Variants in WWC2 observed in about 807,000 individuals in gnomAD.
WWC2 encodes WW and C2 domain containing 2, also known as protein WWC2.
A neutral mutation model predicts 138.5 loss-of-function variants in WWC2; 101 were observed. The ratio of observed to expected loss-of-function variants is 0.73; its 90% confidence interval spans 0.62 to 0.86. The LOEUF is 0.86. Among genes scored for constraint, WWC2 ranks in the 40% least tolerant of loss-of-function variants. The pLI, the probability that WWC2 is intolerant of heterozygous loss-of-function variation, is 0.00. For missense variants in WWC2, 1,420 were observed against 1,419.4 expected, an observed-to-expected ratio of 1.00 and a Z score of -0.01; for synonymous variants, 558 against 538.4, an observed-to-expected ratio of 1.04 and a Z score of -0.50.
At chr4:183,217,940 C>G (rs1735803478) in intron 4 of WWC2, among the ~76,000 whole-genome samples, 1 of 151,716 alleles carries the variant, frequency 6.6e-6, no homozygotes, top group African/African-American at 2.4e-5. Flanking sequence ...AAAGATCATA[C>G]CAAAGCACAT....
In WWC2 at chr4:183,320,657, T is replaced by G. The variant is rs1739617541; in HGVS notation, c.*4928T>G. 5.2e-6 allele frequency: 1 copy of G among 192,252 alleles called. No homozygotes were observed. Among genetic ancestry groups the G allele is most frequent in the South Asian group, 1.3e-4 (1 of 7,986 alleles). The allele number at this position is 192,252 out of a possible 1,614,324, so 11.9% of individuals were successfully genotyped here. A position where few individuals can be genotyped will look rare whatever the true frequency, so the allele number is the denominator to read the frequency against. ...TGTTTCACTAACTGCACCTGTCAGA[T>G]TTTCATCTCTTATAGTTCTCACATT... On this transcript the variant is annotated 3_prime_UTR_variant, in exon 23 of 23. Transcript: ENST00000403733.
chr4:183,274,334 C>G (rs373535868), intron 16 of WWC2, among the ~76,000 whole-genome samples: 3 of 152,170 alleles, frequency 2.0e-5, no homozygotes, highest in East Asian at 1.9e-4. Context: ...CATAACAGTT[C>G]TAAGTCTTCT....
intron 16 of WWC2, 103 bp from the exon 17 acceptor site, chr4:183,280,673 T>G (rs1738039858): frequency 1.6e-6 from 2 of 1,246,562 alleles, no homozygotes; most frequent in Non-Finnish European, 2.2e-6. Context: ...GCAGGAGAGT[T>G]GAGTCGTCTT....
At chr4:183,154,306 G>A (rs1579993232) in intron 1 of WWC2, among the ~76,000 whole-genome samples, 1 of 152,278 alleles carries the variant, frequency 6.6e-6, no homozygotes, top group East Asian at 1.9e-4. Flanking sequence ...TACAGTAGGG[G>A]TTATAGAAGG....
rs1732781553 is a variant in WWC2 at position 183,127,033 on chromosome 4, A to C, written c.131+27411A>C. Among the ~76,000 whole-genome samples the C allele has an allele frequency of 1.3e-5, 2 of 151,950 alleles. 1 individual carries two copies. Among genetic ancestry groups the C allele is most frequent in the South Asian group, 4.2e-4 (2 of 4,806 alleles). On this transcript the variant is annotated intron_variant, in intron 1 of 22. Coordinates refer to ENST00000403733, the MANE Select transcript of WWC2 (RefSeq NM_024949.6). ...ATTATAGGCATAAGCCACCATGCCT[A>C]GCCAGGAAAGAGACCTTTTGATGAA... is the stretch of plus-strand genomic sequence containing the variant.
intron 4 of WWC2, among the ~76,000 whole-genome samples, chr4:183,236,252 G>A (rs1580090207): frequency 6.6e-6 from 1 of 152,096 alleles, no homozygotes; most frequent in Non-Finnish European, 1.5e-5. Flanking sequence ...TACCTCTGTT[G>A]TATAATTTTG....
At chr4:183,276,542 G>T (rs1737861403) in intron 16 of WWC2, among the ~76,000 whole-genome samples, 1 of 151,924 alleles carries the variant, frequency 6.6e-6, no homozygotes, top group Admixed American at 6.6e-5. Flanking sequence ...CCCAGACAAT[G>T]CAAAGATTTT....
At chr4:183,100,952 A>T (rs1260406340) in intron 1 of WWC2, among the ~76,000 whole-genome samples, 1 of 152,212 alleles carries the variant, frequency 6.6e-6, no homozygotes, top group Non-Finnish European at 1.5e-5. Flanking sequence ...CAGACGTGCT[A>T]GTTGTTGTCA....
chr4:183,123,384 G>A (rs1283094253), intron 1 of WWC2, among the ~76,000 whole-genome samples: 1 of 147,438 alleles, frequency 6.8e-6, no homozygotes, highest in African/African-American at 2.5e-5. Context: ...AGTGTTTAGA[G>A]AAACACAGCA....
chr4:183,275,889 C>G (rs561398901), intron 16 of WWC2, among the ~76,000 whole-genome samples: 3 of 152,048 alleles, frequency 2.0e-5, no homozygotes, highest in African/African-American at 7.2e-5. Context: ...GCCATCCAGT[C>G]CTGTACTTTT....
intron 18 of WWC2, among the ~76,000 whole-genome samples, 161 bp from the exon 19 acceptor site, chr4:183,284,065 A>G (rs1020284359): frequency 9.8e-5 from 15 of 152,354 alleles, no homozygotes; most frequent in Non-Finnish European, 1.6e-4. Flanking sequence ...GAAGTACTTC[A>G]GAAGTACTAT....
intron 6 of WWC2, among the ~76,000 whole-genome samples, chr4:183,246,698 G>A (rs1391953632): frequency 6.6e-6 from 1 of 152,168 alleles, no homozygotes; most frequent in Non-Finnish European, 1.5e-5. Context: ...GTTTCTTAAA[G>A]TCATACAGCT....
chr4:183,133,773 G>A (rs926012991), intron 1 of WWC2, among the ~76,000 whole-genome samples: 3 of 152,202 alleles, frequency 2.0e-5, no homozygotes, highest in Non-Finnish European at 4.4e-5. Flanking sequence ...GGGATTACAG[G>A]CGTGAGCCAC....
intron 2 of WWC2, chr4:183,203,409 C>G (rs973380647): frequency 6.6e-6 from 1 of 151,884 alleles, no homozygotes; most frequent in Non-Finnish European, 1.5e-5. Context: ...TCCTCCTGCA[C>G]CTCTGTACCT....
chr4:183,305,652 G>C (rs1169856360), intron 21 of WWC2, among the ~76,000 whole-genome samples: 2 of 152,078 alleles, frequency 1.3e-5, no homozygotes, highest in Admixed American at 1.3e-4. Flanking sequence ...CTAGAATTCT[G>C]TACCCAAACA....
At chr4:183,125,366 C>T (rs796073433) in intron 1 of WWC2, among the ~76,000 whole-genome samples, 15 of 152,208 alleles carry the variant, frequency 9.9e-5, no homozygotes, top group African/African-American at 3.1e-4. Flanking sequence ...TTGCTTATAG[C>T]TTATAGTTAT....
chr4:183,181,066 A>G (rs1049466658), intron 1 of WWC2, among the ~76,000 whole-genome samples: 41 of 152,334 alleles, frequency 2.7e-4, no homozygotes, highest in African/African-American at 8.9e-4. Flanking sequence ...AATGTAAACA[A>G]ATGTAAAGAG....
intron 21 of WWC2, among the ~76,000 whole-genome samples, chr4:183,307,909 ATTGTCTTTGT>A (rs1172508201): frequency 2.0e-5 from 3 of 150,982 alleles, no homozygotes; most frequent in Admixed American, 6.6e-5. Context: ...GGACGTCAGC[ATTGTCTTTGT>A]TTGTCTTTGT....
intron 15 of WWC2, among the ~76,000 whole-genome samples, chr4:183,270,306 G>A (rs904518391): frequency 4.0e-5 from 6 of 150,800 alleles, no homozygotes; most frequent in African/African-American, 1.5e-4. Flanking sequence ...GTGGAATATG[G>A]AAAGCCTTTA....
Sources: allele counts gnomAD v4.1 joint callset (sites outside exome capture counted in the v4.1 genomes callset), GRCh38; gene constraint gnomAD v4.1.1; transcripts MANE v1.5; gene names NCBI Gene and HGNC (gene_info 2026-07-23, HGNC 2026-07-21).